Variants in DNAJB12 observed in about 807,000 individuals in gnomAD.
The protein encoded by DNAJB12 is dnaJ homolog subfamily B member 12.
DNAJB12 carries 14 observed loss-of-function variants against 40.6 expected under a neutral mutation model. The ratio of observed to expected loss-of-function variants is 0.34; its 90% CI spans 0.23 to 0.54. The LOEUF is 0.54. Ranked by LOEUF, DNAJB12 falls within the 20% of genes least tolerant of loss-of-function variation. The pLI, the probability that DNAJB12 is intolerant of heterozygous loss-of-function variation, is 0.92. For missense variants in DNAJB12, 444 were observed against 501.7 expected, an observed-to-expected ratio of 0.89 and a Z score of 1.10; for synonymous variants, 181 against 199.5, an observed-to-expected ratio of 0.91 and a Z score of 0.78.
At position 72,334,361 on chromosome 10, in the gene DNAJB12, C is replaced by T. The variant is rs1351668871; in HGVS notation, c.*287G>A. 4 of 559,454 alleles carry T rather than the reference C, an allele frequency of 7.1e-6. No homozygotes were observed. Among genetic ancestry groups the T allele is most frequent in the Non-Finnish European group, 1.2e-5 (4 of 324,694 alleles). 34.7% of individuals were successfully genotyped at this position (559,454 alleles called of 1,614,324 possible). On this transcript the variant is annotated 3_prime_UTR_variant, in exon 9 of 9. Transcript: ENST00000444643. ...CGAGTTTTACATTCTACTTTCGTTG[C>T]CATGGTTTCTGTATCCTAGGAGAGA...
rs759642264 is a variant in DNAJB12 at position 72,345,017 on chromosome 10, C to T, written c.244G>A (p.Ala82Thr). Residue 82 changes from alanine to threonine, a missense_variant, in exon 2 of 9, where the codon GCC (alanine) becomes ACC (threonine). Physicochemically the swap from Ala to Thr is moderately conservative, Grantham distance 58. Coordinates refer to ENST00000444643, the MANE Select transcript of DNAJB12 (RefSeq NM_017626.7). ...CTCTCTCCTCCAGCTTCACCGTTGG[C>T]CGAGGGGGCATCGGTCCCACCTGCT... is the stretch of plus-strand genomic sequence containing the variant. ...RKAGGTDAPS[A>T]NGEAGGESTK... The T allele has an allele frequency of 2.0e-5, 33 of 1,614,096 alleles. No individual in the cohort carries two copies. The highest frequency in any genetic ancestry group is 2.7e-5 in the Non-Finnish European group (32 of 1,180,042).
At chr10:72,341,635 TA>T (rs1228024541) in intron 3 of DNAJB12, among the ~76,000 whole-genome samples, 1 of 152,058 alleles carries the variant, frequency 6.6e-6, no homozygotes. Flanking sequence ...CACACTCAGC[TA>T]ATTTTTTGTA....
At chr10:72,345,196 C>G in intron 1 of DNAJB12, 69 bp from the exon 2 acceptor site, 2 of 1,536,442 alleles carry the variant, frequency 1.3e-6, no homozygotes, top group Admixed American at 3.8e-5. Context: ...GAGCGGCCCG[C>G]TGCTTCCCAC....
intron 1 of DNAJB12, 61 bp downstream of exon 1, chr10:72,354,704 C>T (rs1182618981): frequency 4.1e-6 from 6 of 1,477,692 alleles, no homozygotes; most frequent in African/African-American, 2.8e-5. Flanking sequence ...CCCGTCGGTC[C>T]GTTCCCGTGT....
intron 3 of DNAJB12, among the ~76,000 whole-genome samples, chr10:72,342,981 C>G (rs1050683952): frequency 6.6e-6 from 1 of 152,188 alleles, no homozygotes; most frequent in African/African-American, 2.4e-5. Flanking sequence ...TGGGGCTACC[C>G]TGCCCCTCAG....
chr10:72,353,595 C>T (rs1476595400), intron 1 of DNAJB12: 2 of 152,250 alleles, frequency 1.3e-5, no homozygotes, highest in Admixed American at 6.5e-5. Context: ...GCTGTGTCAT[C>T]CTGGGCATCC....
In DNAJB12 at chr10:72,334,493, A is replaced by G. The variant is rs1458266224; in HGVS notation, c.*155T>C. On this transcript the variant is annotated 3_prime_UTR_variant, in exon 9 of 9. Transcript: ENST00000444643. The stretch of plus-strand genomic sequence containing the variant: ...GCATTTACTGGGTGAGAGAGAGGGC[A>G]GCTGTGCAGCGTTCGGCCTCCAATT... 3 of 1,382,898 alleles carry G rather than the reference A, an allele frequency of 2.2e-6. No homozygotes were observed. Among genetic ancestry groups the G allele is most frequent in the African/African-American group, 1.4e-5 (1 of 69,788 alleles). 85.7% of individuals were successfully genotyped at this position (1,382,898 alleles called of 1,614,324 possible).
rs17648178 is a variant in DNAJB12 at position 72,347,548 on chromosome 10, G to A, written c.134-2421C>T. Among the ~76,000 whole-genome samples the A allele has an allele frequency of 9.9e-3, 1,512 of 152,362 alleles. 19 individuals carry two copies. The highest frequency in any genetic ancestry group is 0.014 in the Non-Finnish European group (957 of 68,038). On this transcript the variant is annotated intron_variant, in intron 1 of 8. Transcript: ENST00000444643. ...TTTTCTAATGCAAGTGGTTGGCCAT[G>A]CCAAATGTCCTCTTCAATGTCTGGA...
At chr10:72,339,856 G>A (rs895473154) in intron 5 of DNAJB12, among the ~76,000 whole-genome samples, 1 of 151,464 alleles carries the variant, frequency 6.6e-6, no homozygotes, top group Non-Finnish European at 1.5e-5. Flanking sequence ...GATTAAAGGC[G>A]CCTGCCACTA....
intron 6 of DNAJB12, among the ~76,000 whole-genome samples, chr10:72,337,207 C>G (rs1231767271): frequency 6.6e-6 from 1 of 152,254 alleles, no homozygotes; most frequent in African/African-American, 2.4e-5. Flanking sequence ...AGGACCAGTG[C>G]TCTGGGGACA....
chr10:72,354,864 T>C lies in DNAJB12; in HGVS notation c.34A>G (p.Ile12Val). 6.2e-7 allele frequency: 1 copy of C among 1,614,118 alleles called. No homozygotes were observed. The highest frequency in any genetic ancestry group is 8.5e-7 in the Non-Finnish European group (1 of 1,179,952). Residue 12 changes from isoleucine (I) to valine (V), a missense_variant, in exon 1 of 9, where the codon ATC becomes GTC. Physicochemically the swap from Ile to Val is conservative, Grantham distance 29. Transcript: ENST00000444643. ...TGGATGGCCTTGAGGGCGATGCTGA[T>C]ACAGCGCTCAGCTTCATCCTTGTTG... ...ESNKDEAERC[I>V]SIALKAIQSN...
At chr10:72,352,926 C>A (rs965821143) in intron 1 of DNAJB12, among the ~76,000 whole-genome samples, 1 of 152,148 alleles carries the variant, frequency 6.6e-6, no homozygotes, top group African/African-American at 2.4e-5. Flanking sequence ...AGTGGGTAGC[C>A]CTGCCCTCTA....
intron 1 of DNAJB12, among the ~76,000 whole-genome samples, chr10:72,351,039 T>C (rs142710991): frequency 9.5e-4 from 145 of 152,298 alleles, no homozygotes; most frequent in African/African-American, 2.7e-3. Context: ...TCACAGAACA[T>C]TGGATAGCCT....
At chr10:72,354,721 C>G (rs375432448) in intron 1 of DNAJB12, 44 bp downstream of exon 1, 30 of 1,535,382 alleles carry the variant, frequency 2.0e-5, no homozygotes, top group Non-Finnish European at 2.5e-5. Context: ...GTGTTCCCCC[C>G]ATCAGTTCTA....
intron 1 of DNAJB12, 142 bp from the exon 2 acceptor site, chr10:72,345,269 G>A (rs1861754847): frequency 4.3e-6 from 4 of 930,914 alleles, no homozygotes; most frequent in Non-Finnish European, 4.8e-6. Flanking sequence ...GTGCTGGGGG[G>A]ACAGTCATCT....
intron 1 of DNAJB12, among the ~76,000 whole-genome samples, chr10:72,352,104 A>G (rs914577421): frequency 1.3e-5 from 2 of 152,128 alleles, no homozygotes; most frequent in Non-Finnish European, 2.9e-5. Flanking sequence ...CCTGCCCTGA[A>G]GCTCTCTTCC....
intron 1 of DNAJB12, among the ~76,000 whole-genome samples, chr10:72,352,751 A>T (rs779380809): frequency 9.2e-5 from 14 of 152,146 alleles, no homozygotes; most frequent in Admixed American, 5.2e-4. Context: ...ACATTTTACC[A>T]ATCTTGCTAG....
At chr10:72,348,932 C>T (rs1861867540) in intron 1 of DNAJB12, among the ~76,000 whole-genome samples, 1 of 152,220 alleles carries the variant, frequency 6.6e-6, no homozygotes, top group African/African-American at 2.4e-5. Flanking sequence ...TGGCAGACTG[C>T]TGCCATGACC....
At chr10:72,347,099 G>A (rs908366166) in intron 1 of DNAJB12, among the ~76,000 whole-genome samples, 3 of 151,968 alleles carry the variant, frequency 2.0e-5, no homozygotes, top group Admixed American at 6.6e-5. Flanking sequence ...TAAGTAGCTG[G>A]AATTACAGGT....
Sources: allele counts gnomAD v4.1 joint callset (sites outside exome capture counted in the v4.1 genomes callset), GRCh38; gene constraint gnomAD v4.1.1; transcripts MANE v1.5; gene names NCBI Gene and HGNC (gene_info 2026-07-23, HGNC 2026-07-21).